The following CNIH3 variants were observed in gnomAD, a reference collection of about 807,000 sequenced individuals.
CNIH3 encodes the protein cornichon family AMPA receptor auxiliary protein 3, also known as protein cornichon homolog 3.
CNIH3 carries 14 observed loss-of-function variants against 24.1 expected under a neutral mutation model. That is an observed-to-expected ratio of 0.58 (90% CI 0.38 to 0.91). CNIH3 has a LOEUF of 0.91. Ranked by LOEUF, CNIH3 falls within the 40% of genes least tolerant of loss-of-function variation. The pLI is 0.00. For missense variants in CNIH3, 178 were observed against 196.8 expected, an observed-to-expected ratio of 0.90 and a Z score of 0.57; for synonymous variants, 68 against 73.8, an observed-to-expected ratio of 0.92 and a Z score of 0.40.
At chr1:224,546,228 A>G (rs746364209) in intron 2 of CNIH3, among the ~76,000 whole-genome samples, 1 of 152,186 alleles carries the variant, frequency 6.6e-6, no homozygotes, top group Non-Finnish European at 1.5e-5. Flanking sequence ...TACAACTTTT[A>G]TGGAAGTTTT....
intron 2 of CNIH3, among the ~76,000 whole-genome samples, chr1:224,543,641 T>G (rs1234703283): frequency 1.3e-5 from 2 of 152,190 alleles, no homozygotes; most frequent in Non-Finnish European, 2.9e-5. Context: ...ATGGTTTTTA[T>G]TAGACCAGAA....
At chr1:224,556,622 T>G (rs1243775659) in intron 3 of CNIH3, among the ~76,000 whole-genome samples, 1 of 152,172 alleles carries the variant, frequency 6.6e-6, no homozygotes, top group Non-Finnish European at 1.5e-5. Flanking sequence ...AGGCGTTAGA[T>G]TCTCATGAGG....
At chr1:224,694,456 C>A (rs371303286) in intron 3 of CNIH3, among the ~76,000 whole-genome samples, 2 of 152,126 alleles carry the variant, frequency 1.3e-5, no homozygotes, top group Non-Finnish European at 2.9e-5. Flanking sequence ...CATACGACTC[C>A]GCAAGGTAGA....
At chr1:224,496,656 A>G (rs1209537805) in intron 1 of CNIH3, among the ~76,000 whole-genome samples, 2 of 152,164 alleles carry the variant, frequency 1.3e-5, no homozygotes, top group African/African-American at 4.8e-5. Flanking sequence ...AGTGAACAGG[A>G]TGGGTCCCTT....
intron 5 of CNIH3, among the ~76,000 whole-genome samples, chr1:224,588,157 G>T (rs1287495188): frequency 3.9e-5 from 6 of 151,986 alleles, no homozygotes; most frequent in African/African-American, 1.5e-4. Flanking sequence ...TCAGCCTCTT[G>T]TGGGTAGAGA....
downstream of CNIH3, among the ~76,000 whole-genome samples, chr1:224,593,335 T>G (rs1294381282): frequency 1.3e-5 from 2 of 151,156 alleles, no homozygotes; most frequent in Non-Finnish European, 2.9e-5. Context: ...CTCTGTTACT[T>G]CTTAGGCAAA....
At chr1:224,668,611 A>G (rs1204389811) in intron 1 of CNIH3, among the ~76,000 whole-genome samples, 2 of 152,056 alleles carry the variant, frequency 1.3e-5, no homozygotes, top group Admixed American at 6.6e-5. Flanking sequence ...CTGGCCATGG[A>G]CCCTTGAGGC....
chr1:224,515,105 C>T (rs1410531005), upstream of CNIH3, among the ~76,000 whole-genome samples: 2 of 152,216 alleles, frequency 1.3e-5, no homozygotes, highest in Non-Finnish European at 2.9e-5. Context: ...GCAGTGCCCA[C>T]TTTTAATGTT....
intron 3 of CNIH3, among the ~76,000 whole-genome samples, chr1:224,595,381 G>A (rs755278232): frequency 1.4e-4 from 21 of 152,226 alleles, no homozygotes; most frequent in African/African-American, 3.9e-4. Flanking sequence ...TGTCATAATC[G>A]TTTTGGGGCA....
At chr1:224,708,408 A>C (rs1271091809) in intron 3 of CNIH3, among the ~76,000 whole-genome samples, 1 of 152,170 alleles carries the variant, frequency 6.6e-6, no homozygotes, top group East Asian at 1.9e-4. Flanking sequence ...TGTTCTAAAA[A>C]GTTGCATTGG....
At chr1:224,485,267 A>G (rs1676982362) in intron 1 of CNIH3, among the ~76,000 whole-genome samples, 1 of 152,200 alleles carries the variant, frequency 6.6e-6, no homozygotes, top group East Asian at 1.9e-4. Flanking sequence ...GTAAGAACTC[A>G]GGTTTTAACA....
chr1:224,651,880 T>C (rs760348392), intron 1 of CNIH3, among the ~76,000 whole-genome samples: 2 of 152,226 alleles, frequency 1.3e-5, no homozygotes, highest in Non-Finnish European at 2.9e-5. Flanking sequence ...TTTTCGTTAA[T>C]AATAGATATT....
chr1:224,475,355 CA>C (rs35377680), intron 1 of CNIH3, among the ~76,000 whole-genome samples: 8 of 129,584 alleles, frequency 6.2e-5, no homozygotes, highest in African/African-American at 1.7e-4. Context: ...GACTCCATCT[CA>C]AAAAAAAAAA....
At chr1:224,592,903 A>G (rs1167246403), downstream of CNIH3, among the ~76,000 whole-genome samples, 2 of 152,136 alleles carry the variant, frequency 1.3e-5, no homozygotes, top group African/African-American at 4.8e-5. Context: ...CTAAATGGGG[A>G]GTTTCTAACA....
At chr1:224,470,401 C>A (rs1013088787) in intron 1 of CNIH3, among the ~76,000 whole-genome samples, 1 of 151,150 alleles carries the variant, frequency 6.6e-6, no homozygotes, top group African/African-American at 2.4e-5. Context: ...CTCACTGCAG[C>A]CTTCTTGGAC....
intron 3 of CNIH3, among the ~76,000 whole-genome samples, chr1:224,549,412 C>T (rs1242657406): frequency 6.6e-6 from 1 of 151,800 alleles, no homozygotes; most frequent in Admixed American, 6.6e-5. Context: ...TGTGTATACA[C>T]TGGATATAAT....
intron 1 of CNIH3, among the ~76,000 whole-genome samples, chr1:224,473,889 T>C (rs969972809): frequency 1.3e-5 from 2 of 152,182 alleles, no homozygotes; most frequent in African/African-American, 2.4e-5. Context: ...AAAGACCCTA[T>C]GTTAGGGTAC....
intron 1 of CNIH3, among the ~76,000 whole-genome samples, chr1:224,463,100 G>GA (rs1675995913): frequency 6.6e-6 from 1 of 151,808 alleles, no homozygotes; most frequent in Admixed American, 6.6e-5. Context: ...GTTTCATCAT[G>GA]TTGGCCAGGA....
intron 4 of CNIH3, among the ~76,000 whole-genome samples, chr1:224,731,616 C>T (rs1689329891): frequency 6.6e-6 from 1 of 152,224 alleles, no homozygotes. Flanking sequence ...ATACATAGTA[C>T]ACGCCAGGCA....
Sources: gnomAD v4.1 joint callset for allele counts (sites outside exome capture counted in the v4.1 genomes callset) on GRCh38, gnomAD v4.1.1 for gene constraint, MANE v1.5 for transcripts, NCBI Gene and HGNC (gene_info 2026-07-23, HGNC 2026-07-21) for gene names.